The following AGR2 variants were observed in gnomAD, a reference collection of about 807,000 sequenced individuals.
The protein encoded by AGR2 is anterior gradient 2, protein disulphide isomerase family member.
Under a neutral mutation model 25.9 loss-of-function variants are expected in AGR2, and 27 were observed. The ratio of observed to expected loss-of-function variants is 1.04; its 90% confidence interval spans 0.77 to 1.44. The LOEUF (loss-of-function observed/expected upper bound fraction) is 1.44, where lower values mean the gene tolerates loss of function less well. Ranked by LOEUF, AGR2 falls within the 40% of genes most tolerant of loss-of-function variation. The pLI is 0.00. For missense variants in AGR2, 182 were observed against 200.9 expected (o/e 0.91, Z 0.57); for synonymous variants, 78 against 72.0 (o/e 1.08, Z -0.42).
At position 16,794,958 on chromosome 7, in the gene AGR2, G is replaced by C; in HGVS notation, c.456C>G (p.Tyr152Ter). ...TGRYSNRLYAYEPADTALLLD... is the reference protein window; with the variant it reads ...TGRYSNRLYA ...TACACAGAGCTGTATCTGCAGGTTC[G>C]TAAGCATAGAGACGATTTGAATATC... Residue 152 changes from tyrosine (Y) to a stop codon, truncating the protein, a stop_gained, in exon 7 of 8, where the codon TAC becomes TAG. Coordinates refer to ENST00000419304, the MANE Select transcript of AGR2 (RefSeq NM_006408.4). LOFTEE classifies it high-confidence loss of function. The C allele has an allele frequency of 6.2e-7, 1 of 1,614,182 alleles. No individual in the cohort carries two copies. The highest frequency in any genetic ancestry group is 8.5e-7 in the Non-Finnish European group (1 of 1,180,000).
rs776410960 is a variant in AGR2 at position 16,801,688 on chromosome 7, G to A, written c.109C>T (p.Arg37Ter). ...PGAKKDTKDS[R>*]PKLPQTLSRG... ...GAGAGGGTCTGGGGCAGTTTGGGTC[G>A]AGAGTCCTTTGTGTCCTTTTTGGCT... is the stretch of plus-strand genomic sequence containing the variant. Residue 37 changes from arginine to a stop codon, truncating the protein, a stop_gained, in exon 2 of 8, where the codon CGA becomes TGA. Transcript: ENST00000419304. LOFTEE classifies it high-confidence loss of function. 6.8e-6 allele frequency: 11 copies of A among 1,613,762 alleles called. No homozygotes were observed. Among genetic ancestry groups the A allele is most frequent in the Admixed American group, 1.7e-5 (1 of 59,966 alleles).
chr7:16,795,305 G>T (rs1785026182), intron 6 of AGR2, among the ~76,000 whole-genome samples: 1 of 147,562 alleles, frequency 6.8e-6, no homozygotes, highest in African/African-American at 2.6e-5. Context: ...TATATATTTA[G>T]GGGTGACATG....
In AGR2 at chr7:16,797,646, T is replaced by C; in HGVS notation, c.379A>G (p.Arg127Gly). The stretch of plus-strand genomic sequence containing the variant: ...TTCCGCTTACCAACAAACATAATCC[T>C]GGGGACATACTGGCCATCAGGAGAA... ...HLSPDGQYVP[R>G]IMFVDPSLTV... The change falls in exon 6 of 8, where the codon AGG becomes GGG. Residue 127 changes from arginine (R) to glycine (G), a missense_variant. By Grantham distance (125) the Arg-to-Gly change is moderately radical (BLOSUM62 -2). Transcript: ENST00000419304. The C allele has an allele frequency of 6.2e-7, 1 of 1,614,024 alleles. No homozygotes were observed. Among genetic ancestry groups the C allele is most frequent in the Non-Finnish European group, 8.5e-7 (1 of 1,179,952 alleles).
chr7:16,795,059 G>C (rs1167563583), intron 6 of AGR2, 40 bp from the exon 7 acceptor site: 1 of 1,607,156 alleles, frequency 6.2e-7, no homozygotes, highest in Non-Finnish European at 8.5e-7. Flanking sequence ...GGAATGGTTT[G>C]TTTTCAAACA....
intron 1 of AGR2, among the ~76,000 whole-genome samples, chr7:16,804,725 C>G (rs1434415914): frequency 6.6e-6 from 1 of 152,104 alleles, no homozygotes. Flanking sequence ...TGAACTAACT[C>G]GGGAACGTCA....
In AGR2 at chr7:16,799,756, G is replaced by A. The variant is rs1192021026; in HGVS notation, c.318C>T (p.Leu106=). ...EIQKLAEQFV[L]LNLVYETTDK... ...AAAGGAAACTTACAACCAGATTGAG[G>A]AGGACAAACTGCTCTGCCAATTTCT... Residue 106 remains leucine (L), a synonymous_variant, in exon 5 of 8, where the codon CTC becomes CTT. Coordinates refer to ENST00000419304, the MANE Select transcript of AGR2 (RefSeq NM_006408.4). 5 of 1,612,802 alleles carry A rather than the reference G, an allele frequency of 3.1e-6. No homozygotes were observed. In the South Asian group the frequency reaches 5.5e-5, roughly 18 times the overall value.
rs1214860400 is a variant in AGR2, at chr7:16,792,774, A to C, written c.*134T>G. 1.2e-6 allele frequency: 1 copy of C among 839,792 alleles called. No individual in the cohort carries two copies. The highest frequency in any genetic ancestry group is 2.4e-5 in the Admixed American group (1 of 40,938). The allele number at this position is 839,792 out of a possible 1,614,324, so 52.0% of individuals were successfully genotyped here. ...TTCTAAAACTTGTTTTTCTTAAAAA[A>C]TAGTTGTTGTAACATTAAACCATAA... On this transcript the variant is annotated 3_prime_UTR_variant, in exon 8 of 8. Coordinates refer to ENST00000419304, the MANE Select transcript of AGR2 (RefSeq NM_006408.4).
At chr7:16,792,992 CATCGTGCGTTAT>C (rs1562525344) in intron 7 of AGR2, 35 bp from the exon 8 acceptor site, 1 of 1,588,320 alleles carries the variant, frequency 6.3e-7, no homozygotes, top group Admixed American at 1.7e-5. Flanking sequence ...GTCAAGACAC[CATCGTGCGTTAT>C]ATCGATATAA....
At chr7:16,798,191 C>T (rs908228001) in intron 5 of AGR2, among the ~76,000 whole-genome samples, 29 of 152,154 alleles carry the variant, frequency 1.9e-4, no homozygotes, top group African/African-American at 5.8e-4. Context: ...TGAAATGTTA[C>T]GGTGTAGGAT....
In AGR2 at chr7:16,792,857, G is replaced by A. The variant is rs573471377; in HGVS notation, c.*51C>T. On this transcript the variant is annotated 3_prime_UTR_variant, in exon 8 of 8. Coordinates refer to ENST00000419304, the MANE Select transcript of AGR2 (RefSeq NM_006408.4). ...AGCCAGTCTTCTCACACTTCTTCTG[G>A]TTTCAAGTCTCAAGGCCTGACAGAC... is the stretch of plus-strand genomic sequence containing the variant. 3.3e-6 allele frequency: 5 copies of A among 1,511,528 alleles called. No homozygotes were observed. Among genetic ancestry groups the A allele is most frequent in the African/African-American group, 2.7e-5 (2 of 72,762 alleles). The allele number at this position is 1,511,528 out of a possible 1,614,324, so 93.6% of individuals were successfully genotyped here.
intron 1 of AGR2, among the ~76,000 whole-genome samples, chr7:16,803,812 T>A (rs968264206): frequency 2.0e-5 from 3 of 152,200 alleles, no homozygotes; most frequent in Non-Finnish European, 4.4e-5. Flanking sequence ...AACTTTTACA[T>A]GAGAATAATT....
intron 1 of AGR2, chr7:16,803,166 G>T (rs937580328): frequency 1.3e-5 from 2 of 152,164 alleles, no homozygotes; most frequent in East Asian, 3.9e-4. Context: ...TTTCTTTCTG[G>T]TATGCCACAG....
intron 5 of AGR2, among the ~76,000 whole-genome samples, chr7:16,799,417 C>A (rs1249201090): frequency 6.6e-6 from 1 of 151,956 alleles, no homozygotes; most frequent in South Asian, 2.1e-4. Flanking sequence ...CAAGAGATGA[C>A]CAGGATTAAG....
chr7:16,801,296 G>C, intron 3 of AGR2, 24 bp downstream of exon 3: 2 of 1,612,354 alleles, frequency 1.2e-6, no homozygotes, highest in South Asian at 1.1e-5. Flanking sequence ...CTTTGAGGGA[G>C]CTCTGAGTAA....
intron 5 of AGR2, among the ~76,000 whole-genome samples, 169 bp from the exon 6 acceptor site, chr7:16,797,863 TAAATA>T (rs1289656837): frequency 2.0e-5 from 3 of 152,074 alleles, no homozygotes; most frequent in Non-Finnish European, 2.9e-5. Flanking sequence ...CATGAAATAA[TAAATA>T]AGATAGAGCA....
intron 7 of AGR2, among the ~76,000 whole-genome samples, chr7:16,793,295 C>T (rs1452882872): frequency 6.6e-6 from 1 of 152,178 alleles, no homozygotes. Flanking sequence ...GTGATCCACA[C>T]ACCTCGGCCT....
At chr7:16,804,359 T>G (rs17629719) in intron 1 of AGR2, among the ~76,000 whole-genome samples, 39,702 of 151,764 alleles carry the variant, frequency 0.26, 5,464 homozygotes, top group South Asian at 0.36. Context: ...CTTTAGCAAA[T>G]AATGAACTTG....
At chr7:16,798,030 A>G (rs1461715145) in intron 5 of AGR2, among the ~76,000 whole-genome samples, 1 of 152,232 alleles carries the variant, frequency 6.6e-6, no homozygotes, top group Non-Finnish European at 1.5e-5. Context: ...GAAATTACGG[A>G]GACAAGTACG....
chr7:16,793,620 A>G (rs1298398219), intron 7 of AGR2, among the ~76,000 whole-genome samples: 1 of 152,254 alleles, frequency 6.6e-6, no homozygotes, highest in African/African-American at 2.4e-5. Context: ...TAGGGGAAAT[A>G]TAAATAATAG....
Sources: gnomAD v4.1 joint callset for allele counts (sites outside exome capture counted in the v4.1 genomes callset) on GRCh38, gnomAD v4.1.1 for gene constraint, MANE v1.5 for transcripts, NCBI Gene and HGNC (gene_info 2026-07-23, HGNC 2026-07-21) for gene names.